LDLRAD3: variants seen among roughly 807,000 people sequenced by gnomAD.
LDLRAD3 encodes low density lipoprotein receptor class A domain containing 3, also known as low-density lipoprotein receptor class A domain-containing protein 3.
A neutral mutation model predicts 29.4 loss-of-function variants in LDLRAD3; 20 were observed. The observed-to-expected ratio is 0.68, with a 90% CI of 0.48 to 0.99. LDLRAD3 has a LOEUF of 0.99. Among genes scored for constraint, LDLRAD3 ranks in the 50% least tolerant of loss-of-function variants. The pLI is 0.00. For synonymous variants in LDLRAD3, 157 were observed against 192.7 expected (o/e 0.81, Z 1.53); for missense variants, 420 against 454.3 (o/e 0.92, Z 0.69).
chr11:36,081,215 A>G (rs1391965817), intron 2 of LDLRAD3, among the ~76,000 whole-genome samples: 2 of 152,210 alleles, frequency 1.3e-5, no homozygotes, highest in African/African-American at 4.8e-5. Context: ...TGGGTGGATT[A>G]AATGAGATGA....
intron 1 of LDLRAD3, among the ~76,000 whole-genome samples, chr11:35,952,338 C>A (rs1851146329): frequency 6.6e-6 from 1 of 152,120 alleles, no homozygotes; most frequent in Non-Finnish European, 1.5e-5. Flanking sequence ...AGAATTCCAG[C>A]ATTGCATAGG....
chr11:36,195,728 A>C (rs1432267396), intron 4 of LDLRAD3, among the ~76,000 whole-genome samples: 1 of 152,110 alleles, frequency 6.6e-6, no homozygotes, highest in African/African-American at 2.4e-5. Flanking sequence ...AATATATTCT[A>C]AATCCCTCTG....
At chr11:36,142,945 C>T (rs904716492) in intron 4 of LDLRAD3, among the ~76,000 whole-genome samples, 3 of 152,200 alleles carry the variant, frequency 2.0e-5, no homozygotes, top group African/African-American at 7.2e-5. Flanking sequence ...GGCAAACCAC[C>T]CCAATGGGAT....
intron 1 of LDLRAD3, among the ~76,000 whole-genome samples, chr11:35,954,658 C>T (rs556916809): frequency 2.6e-4 from 40 of 152,310 alleles, no homozygotes; most frequent in African/African-American, 9.1e-4. Flanking sequence ...ATTGCTTCTC[C>T]TTCGCTGGAG....
rs560020479 is a variant in LDLRAD3, at chr11:36,077,210, C to A, written c.194-4443C>A. Among the ~76,000 whole-genome samples, 28 of 152,256 alleles carry A rather than the reference C, an allele frequency of 1.8e-4. 2 individuals carry two copies. The highest frequency in any genetic ancestry group is 1.8e-3 in the Admixed American group (28 of 15,294). ...TTTTTCACTCCTTTCCCACTCACAC[C>A]CTGTAGATAACCAATCTCTTTAGTT... On this transcript the variant is annotated intron_variant, in intron 2 of 5. Transcript: ENST00000315571.
intron 3 of LDLRAD3, among the ~76,000 whole-genome samples, chr11:36,090,647 A>G (rs567389609): frequency 6.6e-6 from 1 of 152,302 alleles, no homozygotes; most frequent in African/African-American, 2.4e-5. Flanking sequence ...GGCCCCTTGC[A>G]CTGACTCTAG....
intron 4 of LDLRAD3, among the ~76,000 whole-genome samples, chr11:36,132,203 A>C (rs959647241): frequency 1.3e-5 from 2 of 152,196 alleles, no homozygotes; most frequent in African/African-American, 4.8e-5. Context: ...CAGTTTGCCA[A>C]ACCTATTTAT....
chr11:36,142,116 A>G (rs1854094992), intron 4 of LDLRAD3, among the ~76,000 whole-genome samples: 1 of 152,122 alleles, frequency 6.6e-6, no homozygotes, highest in Non-Finnish European at 1.5e-5. Flanking sequence ...CCATCCAGCC[A>G]TGGCTGGGGT....
intron 1 of LDLRAD3, among the ~76,000 whole-genome samples, chr11:36,010,915 C>T (rs1851947337): frequency 6.6e-6 from 1 of 152,128 alleles, no homozygotes; most frequent in African/African-American, 2.4e-5. Context: ...AAGCAATTCT[C>T]CTGCCTCAGC....
intron 1 of LDLRAD3, among the ~76,000 whole-genome samples, chr11:35,963,311 C>T (rs149898572): frequency 4.0e-5 from 6 of 151,748 alleles, no homozygotes; most frequent in Non-Finnish European, 8.8e-5. Context: ...ATCTTCAGGC[C>T]TCTTAAAAAA....
intron 1 of LDLRAD3, among the ~76,000 whole-genome samples, chr11:36,019,603 C>A (rs372129421): frequency 6.6e-6 from 1 of 152,198 alleles, no homozygotes; most frequent in South Asian, 2.1e-4. Context: ...CGACTGAACC[C>A]CTTTAGGCTC....
chr11:36,218,476 G>A (rs1855382900), intron 4 of LDLRAD3, among the ~76,000 whole-genome samples: 1 of 152,214 alleles, frequency 6.6e-6, no homozygotes, highest in Non-Finnish European at 1.5e-5. Flanking sequence ...ACTAGAGTCC[G>A]AAGAGGCTAC....
chr11:36,198,574 C>G (rs139332568), intron 4 of LDLRAD3, among the ~76,000 whole-genome samples: 8 of 152,308 alleles, frequency 5.3e-5, no homozygotes, highest in East Asian at 3.9e-4. Context: ...TGCTTCCCCC[C>G]CATCCCACTC....
At chr11:36,031,183 A>C (rs774205675) in intron 1 of LDLRAD3, among the ~76,000 whole-genome samples, 2 of 152,140 alleles carry the variant, frequency 1.3e-5, no homozygotes. Flanking sequence ...TTAATGAAAA[A>C]AAGAGAAGGG....
intron 4 of LDLRAD3, among the ~76,000 whole-genome samples, chr11:36,156,860 A>G (rs1420541478): frequency 6.6e-6 from 1 of 152,228 alleles, no homozygotes; most frequent in East Asian, 1.9e-4. Flanking sequence ...AAAAAAAAGG[A>G]AAATCTGAAT....
At chr11:36,061,285 C>G (rs777140260) in intron 2 of LDLRAD3, among the ~76,000 whole-genome samples, 5 of 152,090 alleles carry the variant, frequency 3.3e-5, no homozygotes, top group Non-Finnish European at 5.9e-5. Flanking sequence ...ACTGCAGGCA[C>G]GTGGCACTAC....
rs541489501 is a variant in LDLRAD3, at chr11:36,114,246, C to G, written c.454+15785C>G. On this transcript the variant is annotated intron_variant, in intron 4 of 5. Transcript: ENST00000315571. ...AGTTCACACAGCCTGAGAGAGAACT[C>G]TCAGTCCATGCTGTCCCTCCTTGGG... 3.5e-4 allele frequency among the ~76,000 whole-genome samples: 53 copies of G among 152,300 alleles called. 1 individual carries two copies. Among genetic ancestry groups the G allele is most frequent in the Middle Eastern group, 6.8e-3 (2 of 294 alleles).
intron 4 of LDLRAD3, among the ~76,000 whole-genome samples, chr11:36,199,919 C>G (rs1400530786): frequency 6.6e-6 from 1 of 152,132 alleles, no homozygotes; most frequent in African/African-American, 2.4e-5. Flanking sequence ...GTAATCTCAG[C>G]ACTTTAGGAG....
At chr11:35,991,569 G>C (rs1851689642) in intron 1 of LDLRAD3, among the ~76,000 whole-genome samples, 1 of 152,142 alleles carries the variant, frequency 6.6e-6, no homozygotes, top group Non-Finnish European at 1.5e-5. Flanking sequence ...TCACAAATTT[G>C]TCATGTTCCT....
Sources: gnomAD v4.1 joint callset for allele counts (sites outside exome capture counted in the v4.1 genomes callset) on GRCh38, gnomAD v4.1.1 for gene constraint, MANE v1.5 for transcripts, NCBI Gene and HGNC (gene_info 2026-07-23, HGNC 2026-07-21) for gene names.